PRELID2: variants seen among roughly 807,000 people sequenced by gnomAD.
PRELID2 encodes PRELI domain containing 2.
A neutral mutation model predicts 28.4 loss-of-function variants in PRELID2; 25 were observed. The observed-to-expected ratio is 0.88, with a 90% CI of 0.64 to 1.23. PRELID2 has a LOEUF of 1.23. PRELID2 is among the 50% of genes most tolerant of loss of function. The probability of loss-of-function intolerance (pLI) is 0.00; values close to 1 mark genes in which losing one functional copy is unlikely to be tolerated. For missense variants in PRELID2, 201 were observed against 214.4 expected (o/e 0.94, Z 0.39); for synonymous variants, 76 against 71.6 (o/e 1.06, Z -0.31).
At chr5:145,768,536 T>A (rs1411668761) in intron 5 of PRELID2, among the ~76,000 whole-genome samples, 1 of 152,206 alleles carries the variant, frequency 6.6e-6, no homozygotes, top group Non-Finnish European at 1.5e-5. Context: ...AATAATTAAA[T>A]GTCTTCTTTC....
the PRELID2 span, among the ~76,000 whole-genome samples, chr5:145,231,173 C>G: frequency 1.3e-5 from 2 of 152,104 alleles, no homozygotes; most frequent in Admixed American, 1.3e-4. Context: ...TTCTGCAATG[C>G]CTGCATTACA....
the PRELID2 span, among the ~76,000 whole-genome samples, chr5:145,318,868 G>A: frequency 1.4e-4 from 21 of 152,328 alleles, no homozygotes; most frequent in South Asian, 4.4e-3. Context: ...ACAAACTGAA[G>A]GATGGTGAAT....
At chr5:145,447,284 T>C in the PRELID2 span, among the ~76,000 whole-genome samples, 1 of 151,850 alleles carries the variant, frequency 6.6e-6, no homozygotes, top group Non-Finnish European at 1.5e-5. Context: ...GGGCCTTAAG[T>C]GGTGATAATT....
chr5:145,549,560 C>T (rs755979563), intron 1 of PRELID2, among the ~76,000 whole-genome samples: 11 of 151,990 alleles, frequency 7.2e-5, no homozygotes, highest in South Asian at 2.1e-4. Context: ...GATTACAGGC[C>T]GAGGCGGACG....
intron 1 of PRELID2, among the ~76,000 whole-genome samples, chr5:145,633,648 T>C (rs1302492544): frequency 6.6e-6 from 1 of 152,226 alleles, no homozygotes; most frequent in Non-Finnish European, 1.5e-5. Flanking sequence ...TGCTGTTTGC[T>C]ATTTTGATTT....
chr5:145,337,078 A>C, the PRELID2 span, among the ~76,000 whole-genome samples: 2 of 151,746 alleles, frequency 1.3e-5, no homozygotes, highest in East Asian at 3.9e-4. Context: ...TAACCTGCAC[A>C]TTGTGCACAT....
At chr5:145,399,735 A>T in the PRELID2 span, among the ~76,000 whole-genome samples, 1 of 152,144 alleles carries the variant, frequency 6.6e-6, no homozygotes, top group Admixed American at 6.6e-5. Flanking sequence ...CAAAAGAAAG[A>T]TGTTTATTGG....
chr5:145,616,940 G>A (rs779350649), intron 1 of PRELID2, among the ~76,000 whole-genome samples: 5 of 152,018 alleles, frequency 3.3e-5, no homozygotes, highest in Non-Finnish European at 7.4e-5. Flanking sequence ...CCCCCGAAGC[G>A]GCCATTTTAG....
the PRELID2 span, among the ~76,000 whole-genome samples, chr5:145,297,252 C>T: frequency 2.6e-5 from 4 of 152,014 alleles, no homozygotes; most frequent in African/African-American, 9.7e-5. Flanking sequence ...GTGTTTTAGA[C>T]ATGAAGTCCT....
rs190106350 is a variant in PRELID2 at position 145,783,587 on chromosome 5, C to G, written c.474+12855G>C. On this transcript the variant is annotated intron_variant, in intron 5 of 6. Transcript: ENST00000683046. ...TATCAACTAAATCAATCTATCTGAG[C>G]ACTCAAGGGTGGGATTAAAAAGTAT... Among the ~76,000 whole-genome samples the G allele has an allele frequency of 1.9e-3, 296 of 152,276 alleles. 1 individual carries two copies. The highest frequency in any genetic ancestry group is 6.1e-3 in the African/African-American group (255 of 41,572).
intron 4 of PRELID2, among the ~76,000 whole-genome samples, chr5:145,811,116 A>AAAAAAAAAAAAAAAAAAAAAAACAAC (rs1561636719): frequency 1.2e-5 from 1 of 85,724 alleles, no homozygotes; most frequent in African/African-American, 4.7e-5. Flanking sequence ...AAAAAAAAAA[A>AAAAAAAAAAAAAAAAAAAAAAACAAC]AAATTGTGCC....
the PRELID2 span, among the ~76,000 whole-genome samples, chr5:145,463,809 T>C: frequency 2.0e-5 from 3 of 152,152 alleles, no homozygotes; most frequent in African/African-American, 7.2e-5. Flanking sequence ...AAGAGAACAC[T>C]ACTGCCACAT....
chr5:145,404,169 G>C, the PRELID2 span, among the ~76,000 whole-genome samples: 2 of 152,162 alleles, frequency 1.3e-5, no homozygotes, highest in Admixed American at 1.3e-4. Context: ...CTACCGAATG[G>C]TGTATTTGTT....
chr5:145,377,490 T>G, the PRELID2 span, among the ~76,000 whole-genome samples: 1 of 152,220 alleles, frequency 6.6e-6, no homozygotes, highest in Non-Finnish European at 1.5e-5. Flanking sequence ...TACTATTGTG[T>G]GCAAATCTAA....
rs190794197 is a variant in PRELID2, at chr5:145,498,532, T to C, written n.71-25217A>G. 5.9e-5 allele frequency among the ~76,000 whole-genome samples: 9 copies of C among 151,926 alleles called. No individual in the cohort carries two copies. The East Asian group carries it at 1.6e-3, about 26-fold the overall frequency. On this transcript the variant is annotated intron_variant and non_coding_transcript_variant, in intron 1 of 2. Transcript: ENST00000510259. ...TTTGTTTGTTTGCTTTGTTTTGTTG[T>C]TGTTGTTGTTGTTTTGAGACAAAGT...
In PRELID2 at chr5:145,606,735, T is replaced by A. The variant is rs1753509855; in HGVS notation, n.71-133420A>T. 2.0e-5 allele frequency among the ~76,000 whole-genome samples: 3 copies of A among 152,120 alleles called. No individual in the cohort carries two copies. The South Asian group carries it at 6.2e-4, about 32-fold the overall frequency. On this transcript the variant is annotated intron_variant and non_coding_transcript_variant, in intron 1 of 2. Coordinates refer to the PRELID2 transcript ENST00000510259. ...ATTGGCCTGAATTTTTCTTTATTTATTGTGTATCGGCCAGGTTTTGCTATC... is the reference window on the plus strand; with the variant it reads ...ATTGGCCTGAATTTTTCTTTATTTAATGTGTATCGGCCAGGTTTTGCTATC...
chr5:145,653,221 C>G (rs1754330956), intron 1 of PRELID2, among the ~76,000 whole-genome samples: 1 of 152,086 alleles, frequency 6.6e-6, no homozygotes, highest in Non-Finnish European at 1.5e-5. Context: ...ATATATGCAC[C>G]CAATACAGGA....
intron 1 of PRELID2, among the ~76,000 whole-genome samples, chr5:145,731,304 G>A (rs774222633): frequency 1.1e-4 from 17 of 152,048 alleles, no homozygotes; most frequent in Non-Finnish European, 2.1e-4. Context: ...TGTTAATATC[G>A]GCTTCTATTC....
At chr5:145,725,532 T>G (rs531855162) in intron 1 of PRELID2, among the ~76,000 whole-genome samples, 2 of 152,206 alleles carry the variant, frequency 1.3e-5, no homozygotes, top group African/African-American at 4.8e-5. Flanking sequence ...TTCAATACTA[T>G]TGCAATAGCA....
Sources: gnomAD v4.1 joint callset for allele counts (sites outside exome capture counted in the v4.1 genomes callset) on GRCh38, gnomAD v4.1.1 for gene constraint, MANE v1.5 for transcripts, NCBI Gene and HGNC (gene_info 2026-07-23, HGNC 2026-07-21) for gene names.